SLCO6A1: variants seen among roughly 807,000 people sequenced by gnomAD.
The protein encoded by SLCO6A1 is solute carrier organic anion transporter family member 6A1, also known as cancer/testis antigen 48.
A neutral mutation model predicts 72.7 loss-of-function variants in SLCO6A1; 65 were observed. The observed-to-expected ratio is 0.89, with a 90% CI of 0.73 to 1.10. The LOEUF is 1.10. Among genes scored for constraint, SLCO6A1 ranks in the 50% least tolerant of loss-of-function variants. SLCO6A1 has a pLI of 0.00. For synonymous variants in SLCO6A1, 314 were observed against 298.2 expected (o/e 1.05, Z -0.55); for missense variants, 874 against 872.6 (o/e 1.00, Z -0.02).
intron 12 of SLCO6A1, among the ~76,000 whole-genome samples, chr5:102,374,433 T>G (rs547389193): frequency 6.6e-6 from 1 of 152,272 alleles, no homozygotes; most frequent in East Asian, 1.9e-4. Context: ...CCTGAGTAGC[T>G]GGGACTACAG....
intron 6 of SLCO6A1, among the ~76,000 whole-genome samples, chr5:102,442,830 G>A (rs1316558265): frequency 6.6e-6 from 1 of 152,160 alleles, no homozygotes; most frequent in Non-Finnish European, 1.5e-5. Flanking sequence ...TTGGGAGGCC[G>A]AGGTGGGCGG....
At chr5:102,413,437 T>C (rs1748102333) in intron 8 of SLCO6A1, among the ~76,000 whole-genome samples, 1 of 152,054 alleles carries the variant, frequency 6.6e-6, no homozygotes, top group African/African-American at 2.4e-5. Context: ...AAAGTTTCCT[T>C]GTGCCCCTTG....
chr5:102,494,074 A>G (rs1209283944), intron 1 of SLCO6A1, among the ~76,000 whole-genome samples: 1 of 152,182 alleles, frequency 6.6e-6, no homozygotes, highest in East Asian at 1.9e-4. Flanking sequence ...TAATATTTGC[A>G]TAAGTATAGA....
At chr5:102,459,891 G>T in intron 4 of SLCO6A1, 114 bp from the exon 5 acceptor site, 1 of 819,330 alleles carries the variant, frequency 1.2e-6, no homozygotes, top group Non-Finnish European at 1.8e-6. Context: ...TGGAGAGTGA[G>T]ACAGAAATGG....
rs769987671 is a variant in SLCO6A1 at position 102,399,752 on chromosome 5, T to C, written c.1627-10A>G. 62 of 1,508,230 alleles carry C rather than the reference T, an allele frequency of 4.1e-5. No individual in the cohort carries two copies. The highest frequency in any genetic ancestry group is 1.4e-4 in the East Asian group (6 of 43,398). The allele number at this position is 1,508,230 out of a possible 1,614,324, so 93.4% of individuals were successfully genotyped here. ...AACAATTGTAGTACATCTGTGAGTATTGAAGACAGGAAACAATCTTTCAGA... is the reference window on the plus strand; with the variant it reads ...AACAATTGTAGTACATCTGTGAGTACTGAAGACAGGAAACAATCTTTCAGA... On this transcript the variant is annotated splice_polypyrimidine_tract_variant and intron_variant, in intron 9 of 13. Transcript: ENST00000506729.
intron 7 of SLCO6A1, among the ~76,000 whole-genome samples, chr5:102,427,927 G>A (rs1247914777): frequency 7.1e-6 from 1 of 140,054 alleles, no homozygotes; most frequent in Non-Finnish European, 1.5e-5. Flanking sequence ...GGAGTGCAGT[G>A]GCATGGTATT....
chr5:102,439,747 G>A (rs1321092869), intron 6 of SLCO6A1, among the ~76,000 whole-genome samples: 1 of 152,096 alleles, frequency 6.6e-6, no homozygotes, highest in African/African-American at 2.4e-5. Context: ...AGGGCATAAG[G>A]ATTTAGCATA....
At position 102,382,936 on chromosome 5, in the gene SLCO6A1, G is replaced by GTGTGTATATATATGAGAGATATATATA. The variant is rs577762089; in HGVS notation, c.2017+5725_2017+5751dup. 3.0e-4 allele frequency among the ~76,000 whole-genome samples: 44 copies of GTGTGTATATATATGAGAGATATATATA among 148,006 alleles called. 1 individual carries two copies. The East Asian group carries it at 5.7e-3, about 19-fold the overall frequency. ...ATATATATACATGAGATATATACGT[G>GTGTGTATATATATGAGAGATATATATA]TGTGTATATATATGAGAGATATATA... is the stretch of plus-strand genomic sequence containing the variant. On this transcript the variant is annotated intron_variant, in intron 12 of 13. Transcript: ENST00000506729.
At chr5:102,412,645 C>G (rs1405755358) in intron 9 of SLCO6A1, among the ~76,000 whole-genome samples, 1 of 151,936 alleles carries the variant, frequency 6.6e-6, no homozygotes, top group Non-Finnish European at 1.5e-5. Context: ...CCTGTAGTTT[C>G]AACTATCCTG....
intron 11 of SLCO6A1, among the ~76,000 whole-genome samples, chr5:102,389,266 G>GA (rs1746595924): frequency 6.6e-6 from 1 of 152,056 alleles, no homozygotes; most frequent in Non-Finnish European, 1.5e-5. Flanking sequence ...AAGACATTGA[G>GA]AAAAATAACT....
intron 7 of SLCO6A1, among the ~76,000 whole-genome samples, chr5:102,427,856 ATATATATATTTTTTT>A (rs1382436844): frequency 8.0e-6 from 1 of 124,796 alleles, no homozygotes; most frequent in African/African-American, 3.6e-5. Context: ...ATATATATAT[ATATATATATTTTTTT>A]TTTTTTTTTT....
At chr5:102,432,714 T>C (rs901395222) in intron 7 of SLCO6A1, among the ~76,000 whole-genome samples, 2 of 152,158 alleles carry the variant, frequency 1.3e-5, no homozygotes, top group Non-Finnish European at 2.9e-5. Flanking sequence ...CATTGTTTTT[T>C]CATTTTGAAG....
chr5:102,430,078 T>C (rs998892359), intron 7 of SLCO6A1, among the ~76,000 whole-genome samples: 1 of 152,100 alleles, frequency 6.6e-6, no homozygotes, highest in South Asian at 2.1e-4. Context: ...GTGAATAGAA[T>C]TGCATTTCTA....
At chr5:102,480,470 T>C (rs755038847) in intron 1 of SLCO6A1, 36 bp from the exon 2 acceptor site, 3 of 1,578,924 alleles carry the variant, frequency 1.9e-6, no homozygotes, top group South Asian at 1.2e-5. Context: ...AACAACGATA[T>C]GCATTTTAAG....
Position 102,444,184 on chromosome 5 carries a change from G to T in SLCO6A1, c.1132-5423C>A, listed in dbSNP as rs568649411. 1.2e-4 allele frequency among the ~76,000 whole-genome samples: 19 copies of T among 152,232 alleles called. No homozygotes were observed. In the East Asian group the frequency reaches 3.5e-3, roughly 28 times the overall value. On this transcript the variant is annotated intron_variant, in intron 6 of 13. Transcript: ENST00000506729. ...TTAAGCTAAGGATAGTCCTCTAATA[G>T]AAGTCAAAAACAAATGATGAGGAGG...
Position 102,443,445 on chromosome 5 carries a change from C to T in SLCO6A1, c.1132-4684G>A, listed in dbSNP as rs940386965. Among the ~76,000 whole-genome samples, 6 of 152,222 alleles carry T rather than the reference C, an allele frequency of 3.9e-5. No individual in the cohort carries two copies. In the East Asian group the frequency reaches 1.2e-3, roughly 29 times the overall value. On this transcript the variant is annotated intron_variant, in intron 6 of 13. Coordinates refer to ENST00000506729, the MANE Select transcript of SLCO6A1 (RefSeq NM_173488.5). ...CTCTTCCTCTTATTCATACTTTCCC[C>T]CAAAAGAGGAACTGACTAGATTAGT...
In SLCO6A1 at chr5:102,477,863, T is replaced by G. The variant is rs1358304787; in HGVS notation, c.617-2A>C. ...CAACCTTTATTTCTTCGCAAATATCTTTTGAAAATACAATGATTATATTTT... is the reference window on the plus strand; with the variant it reads ...CAACCTTTATTTCTTCGCAAATATCGTTTGAAAATACAATGATTATATTTT... On this transcript the variant is annotated splice_acceptor_variant, in intron 2 of 13. Transcript: ENST00000506729. LOFTEE classifies it high-confidence loss of function. 2.5e-6 allele frequency: 4 copies of G among 1,592,688 alleles called. No individual in the cohort carries two copies. The African/African-American group carries it at 5.4e-5, about 21-fold the overall frequency.
chr5:102,446,972 C>T (rs535980173), intron 6 of SLCO6A1, among the ~76,000 whole-genome samples: 26 of 152,262 alleles, frequency 1.7e-4, no homozygotes, highest in African/African-American at 6.0e-4. Context: ...CCAGACCAGT[C>T]TCAAGCTCCT....
chr5:102,424,794 C>A (rs369909995), intron 7 of SLCO6A1, among the ~76,000 whole-genome samples: 3 of 152,168 alleles, frequency 2.0e-5, no homozygotes, highest in South Asian at 2.1e-4. Context: ...ATCCAGATAC[C>A]AAAACCTGGC....
Sources: allele counts gnomAD v4.1 joint callset (sites outside exome capture counted in the v4.1 genomes callset), GRCh38; gene constraint gnomAD v4.1.1; transcripts MANE v1.5; gene names NCBI Gene and HGNC (gene_info 2026-07-23, HGNC 2026-07-21).